The following PAK1IP1 variants were observed in gnomAD, a reference collection of about 807,000 sequenced individuals.
PAK1IP1 encodes the protein p21-activated protein kinase-interacting protein 1.
Under a neutral mutation model 42.0 loss-of-function variants are expected in PAK1IP1, and 24 were observed. The ratio of observed to expected loss-of-function variants is 0.57; its 90% CI spans 0.41 to 0.80. The LOEUF (loss-of-function observed/expected upper bound fraction) is 0.80, where lower values mean the gene tolerates loss of function less well. PAK1IP1 is among the 30% of genes least tolerant of loss of function. The pLI, the probability that PAK1IP1 is intolerant of heterozygous loss-of-function variation, is 0.00. For missense variants in PAK1IP1, 411 were observed against 467.9 expected, an observed-to-expected ratio of 0.88 and a Z score of 1.12; for synonymous variants, 154 against 156.7, an observed-to-expected ratio of 0.98 and a Z score of 0.13.
chr6:10,707,733 C>T (rs1770250093), intron 8 of PAK1IP1, among the ~76,000 whole-genome samples: 1 of 152,120 alleles, frequency 6.6e-6, no homozygotes, highest in South Asian at 2.1e-4. Context: ...ACTCGCGCTG[C>T]TCTTTTTAGT....
chr6:10,698,420 A>G (rs2127478940), intron 2 of PAK1IP1, among the ~76,000 whole-genome samples: 1 of 152,378 alleles, frequency 6.6e-6, no homozygotes, highest in Non-Finnish European at 1.5e-5. Flanking sequence ...GAAGGTCTCA[A>G]ACACTGGAAC....
upstream of PAK1IP1, among the ~76,000 whole-genome samples, chr6:10,693,907 T>G (rs186024632): frequency 2.9e-3 from 447 of 152,224 alleles, 5 homozygotes; most frequent in African/African-American, 9.9e-3. Context: ...TTATAACATT[T>G]TTGTAGAGAC....
upstream of PAK1IP1, among the ~76,000 whole-genome samples, chr6:10,691,864 T>C (rs532811870): frequency 9.9e-4 from 150 of 152,250 alleles, no homozygotes; most frequent in African/African-American, 3.4e-3. Context: ...TAAAACCACT[T>C]TGAGTTATGT....
chr6:10,702,569 C>T lies in PAK1IP1; in HGVS notation c.373C>T (p.Gln125Ter). The T allele has an allele frequency of 6.2e-7, 1 of 1,613,814 alleles. No homozygotes were observed. The highest frequency in any genetic ancestry group is 1.3e-5 in the African/African-American group (1 of 74,918). ...TAACTTTTGGTTTCATTATAGAGGA[C>T]AGGTGACCTTCCTTTCTATTCACCC... is the stretch of plus-strand genomic sequence containing the variant. ...CLKSIKAHKG[Q>*]VTFLSIHPSG... is the part of the protein sequence containing the mutation. Residue 125 changes from glutamine (Q) to a stop codon, truncating the protein, a stop_gained, in exon 4 of 10, where the codon CAG becomes TAG. Transcript: ENST00000379568. LOFTEE classifies it high-confidence loss of function.
At chr6:10,696,324 G>T (rs1769843835) in intron 1 of PAK1IP1, among the ~76,000 whole-genome samples, 1 of 152,204 alleles carries the variant, frequency 6.6e-6, no homozygotes, top group African/African-American at 2.4e-5. Context: ...GGCCCCCTTG[G>T]TCTTAAATGA....
chr6:10,702,345 T>TA, intron 2 of PAK1IP1, 24 bp from the exon 3 acceptor site: 1 of 1,594,814 alleles, frequency 6.3e-7, no homozygotes, highest in Non-Finnish European at 8.6e-7. Context: ...AATATTATTT[T>TA]TGCCTATTTT....
In PAK1IP1 at chr6:10,709,345, A is replaced by G. The variant is rs763494608; in HGVS notation, c.1072A>G (p.Ser358Gly). ...NTKKRGLTGD[S>G]KKATKESGLI... is the part of the protein sequence containing the mutation. ...AAAGAAACGCGGTTTAACAGGTGAC[A>G]GTAAGAAAGCAACAAAAGAAAGTGG... is the stretch of plus-strand genomic sequence containing the variant. Residue 358 changes from serine to glycine, a missense_variant, in exon 10 of 10, where the codon AGT (serine) becomes GGT (glycine). Coordinates refer to ENST00000379568, the MANE Select transcript of PAK1IP1 (RefSeq NM_017906.3). 24 of 1,613,938 alleles carry G rather than the reference A, an allele frequency of 1.5e-5. 2 individuals carry two copies. The East Asian group carries it at 4.0e-4, about 27-fold the overall frequency.
In PAK1IP1 at chr6:10,695,036, A is replaced by G; in HGVS notation, c.51A>G (p.Val17=). 25 of 1,601,638 alleles carry G rather than the reference A, an allele frequency of 1.6e-5. No individual in the cohort carries two copies. Among genetic ancestry groups the G allele is most frequent in the Non-Finnish European group, 2.0e-5 (24 of 1,179,414 alleles). ...AGCAGGTCCTCTTTGGGTTCGCTGT[A>G]CACCCGGAGCCCGAGGCTTGCGGCG... The part of the protein sequence containing the change: ...CYEQVLFGFA[V]HPEPEACGDH... Residue 17 remains valine, a synonymous_variant, in exon 1 of 10, where the codon GTA becomes GTG. Coordinates refer to ENST00000379568, the MANE Select transcript of PAK1IP1 (RefSeq NM_017906.3).
At chr6:10,700,738 G>A (rs1770002202) in intron 2 of PAK1IP1, among the ~76,000 whole-genome samples, 1 of 152,210 alleles carries the variant, frequency 6.6e-6, no homozygotes, top group Non-Finnish European at 1.5e-5. Context: ...CATAGAAGGA[G>A]TTTAGATTGG....
chr6:10,705,533 T>C (rs1188282701), intron 7 of PAK1IP1, among the ~76,000 whole-genome samples: 1 of 151,476 alleles, frequency 6.6e-6, no homozygotes, highest in Non-Finnish European at 1.5e-5. Flanking sequence ...TGTGATTTTT[T>C]TTCCTGCAGG....
chr6:10,694,951 A>G, upstream of PAK1IP1: 2 of 1,285,864 alleles, frequency 1.6e-6, no homozygotes, highest in Non-Finnish European at 2.2e-6. Context: ...CTCCAGGCTG[A>G]GCCGGGCTGG....
chr6:10,700,231 G>A (rs1221362988), intron 2 of PAK1IP1, among the ~76,000 whole-genome samples: 1 of 151,816 alleles, frequency 6.6e-6, no homozygotes, highest in Non-Finnish European at 1.5e-5. Flanking sequence ...GCTAATTTTT[G>A]TATTTTTAGT....
At chr6:10,695,167 C>A in intron 1 of PAK1IP1, 98 bp downstream of exon 1, 1 of 726,640 alleles carries the variant, frequency 1.4e-6, no homozygotes, top group Non-Finnish European at 2.4e-6. Context: ...GCCTGCTGTT[C>A]ACTGGATGAT....
rs1554151065 is a variant in PAK1IP1, at chr6:10,704,670, A to G, written c.642+18A>G. 1.9e-6 allele frequency: 3 copies of G among 1,611,402 alleles called. No homozygotes were observed. The South Asian group carries it at 3.3e-5, about 18-fold the overall frequency. On this transcript the variant is annotated intron_variant, in intron 6 of 9. Coordinates refer to ENST00000379568, the MANE Select transcript of PAK1IP1 (RefSeq NM_017906.3). The stretch of plus-strand genomic sequence containing the variant: ...TTCTTTCAGTAAGTAATCAGAAATC[A>G]TTGACCAAAGTTTGTGGTGATGGTT...
At chr6:10,697,553 C>A in intron 2 of PAK1IP1, 67 bp downstream of exon 2, 2 of 1,176,294 alleles carry the variant, frequency 1.7e-6, no homozygotes, top group Non-Finnish European at 1.2e-6. Context: ...TTCAGTTGAA[C>A]AATTTGTTGT....
intron 8 of PAK1IP1, among the ~76,000 whole-genome samples, 152 bp from the exon 9 acceptor site, chr6:10,708,797 ACAGT>A (rs1435531119): frequency 1.3e-5 from 2 of 152,112 alleles, no homozygotes; most frequent in Non-Finnish European, 2.9e-5. Context: ...TCTGTGAATA[ACAGT>A]CAAACTAATC....
At chr6:10,702,666 T>C (rs1406472780) in intron 4 of PAK1IP1, 27 bp downstream of exon 4, 3 of 1,476,748 alleles carry the variant, frequency 2.0e-6, no homozygotes, top group South Asian at 2.3e-5. Context: ...CAAGAGCATT[T>C]ATCTAAGGTG....
At chr6:10,692,675 G>C (rs961874529), upstream of PAK1IP1, among the ~76,000 whole-genome samples, 2 of 152,080 alleles carry the variant, frequency 1.3e-5, no homozygotes, top group African/African-American at 4.8e-5. Context: ...TCTTGATCTC[G>C]TCAAAGTGCT....
In PAK1IP1 at chr6:10,697,318, C is replaced by T. The variant is rs1279488091; in HGVS notation, c.85-6C>T. 1 of 1,610,288 alleles carries T rather than the reference C, an allele frequency of 6.2e-7. No homozygotes were observed. Among genetic ancestry groups the T allele is most frequent in the African/African-American group, 1.3e-5 (1 of 74,944 alleles). ...GGCATTAATTGTATGTTTTCATCTT[C>T]AGCAGCAATGGACTCTTGTGGCTGA... On this transcript the variant is annotated splice_region_variant and splice_polypyrimidine_tract_variant and intron_variant, in intron 1 of 9. Coordinates refer to ENST00000379568, the MANE Select transcript of PAK1IP1 (RefSeq NM_017906.3).
Sources: allele counts gnomAD v4.1 joint callset (sites outside exome capture counted in the v4.1 genomes callset), GRCh38; gene constraint gnomAD v4.1.1; transcripts MANE v1.5; gene names NCBI Gene and HGNC (gene_info 2026-07-23, HGNC 2026-07-21).